The following ARB2A variants were observed in gnomAD, a reference collection of about 807,000 sequenced individuals.
The protein encoded by ARB2A is cotranscriptional regulator ARB2A.
At chr5:93,877,738 C>T in the ARB2A span, among the ~76,000 whole-genome samples, 1 of 151,972 alleles carries the variant, frequency 6.6e-6, no homozygotes, top group Non-Finnish European at 1.5e-5. Context: ...GAGGGGTCAT[C>T]GGTTATAGTG....
At chr5:93,809,108 T>C in the ARB2A span, among the ~76,000 whole-genome samples, 3 of 152,062 alleles carry the variant, frequency 2.0e-5, no homozygotes, top group Non-Finnish European at 4.4e-5. Context: ...GCTATTGGTG[T>C]ATGGGATATT....
the ARB2A span, among the ~76,000 whole-genome samples, chr5:93,819,889 A>G: frequency 8.5e-5 from 13 of 152,334 alleles, no homozygotes; most frequent in African/African-American, 3.1e-4. Context: ...ATGGCAGGAA[A>G]ATAGAGTTCC....
the ARB2A span, among the ~76,000 whole-genome samples, chr5:93,630,413 G>A: frequency 6.6e-6 from 1 of 152,152 alleles, no homozygotes; most frequent in African/African-American, 2.4e-5. Context: ...ACAGTTGCAA[G>A]CCCTTTAAAG....
the ARB2A span, among the ~76,000 whole-genome samples, chr5:94,083,441 A>T: frequency 6.6e-6 from 1 of 152,212 alleles, no homozygotes; most frequent in East Asian, 1.9e-4. Context: ...CAATATCTAC[A>T]GAAAAGCATT....
the ARB2A span, among the ~76,000 whole-genome samples, chr5:93,939,707 T>C: frequency 2.0e-5 from 3 of 152,114 alleles, no homozygotes; most frequent in Admixed American, 6.5e-5. Context: ...CCTACAAATA[T>C]TAATTTTCTT....
At chr5:93,775,028 A>G in the ARB2A span, among the ~76,000 whole-genome samples, 1 of 152,064 alleles carries the variant, frequency 6.6e-6, no homozygotes, top group South Asian at 2.1e-4. Flanking sequence ...ACATATGTGC[A>G]TGAGTATATG....
the ARB2A span, among the ~76,000 whole-genome samples, chr5:93,853,239 A>C: frequency 4.6e-3 from 692 of 151,644 alleles, 2 homozygotes; most frequent in African/African-American, 0.013. Context: ...GGAGTTCACT[A>C]ATGATTTGGC....
At chr5:93,867,978 A>C in the ARB2A span, among the ~76,000 whole-genome samples, 107 of 152,300 alleles carry the variant, frequency 7.0e-4, no homozygotes, top group African/African-American at 2.5e-3. Context: ...CAAACAAATA[A>C]ATCTAAGCAT....
chr5:94,043,110 C>A, the ARB2A span, among the ~76,000 whole-genome samples: 1 of 151,922 alleles, frequency 6.6e-6, no homozygotes, highest in Non-Finnish European at 1.5e-5. Flanking sequence ...TTCTTAAATG[C>A]AGGTTTCTGA....
chr5:94,045,673 C>T, the ARB2A span, among the ~76,000 whole-genome samples: 134 of 152,214 alleles, frequency 8.8e-4, no homozygotes, highest in Non-Finnish European at 1.6e-3. Flanking sequence ...CTATTTGTAT[C>T]ACACTATTTA....
chr5:93,806,920 T>C, the ARB2A span, among the ~76,000 whole-genome samples: 2 of 151,938 alleles, frequency 1.3e-5, no homozygotes, highest in African/African-American at 4.8e-5. Context: ...TAGTAGGTGT[T>C]ACTAAATATG....
At chr5:94,108,877 T>C in the ARB2A span, among the ~76,000 whole-genome samples, 17 of 152,046 alleles carry the variant, frequency 1.1e-4, no homozygotes, top group African/African-American at 1.9e-4. Flanking sequence ...CATATAGATA[T>C]ATATACATAT....
chr5:93,830,317 A>ATGTGTG, the ARB2A span, among the ~76,000 whole-genome samples: 28 of 55,552 alleles, frequency 5.0e-4, no homozygotes, highest in Non-Finnish European at 7.2e-4. Context: ...GTGTGTATAT[A>ATGTGTG]TATATATATA....
At chr5:93,637,714 TC>T in the ARB2A span, among the ~76,000 whole-genome samples, 2 of 152,228 alleles carry the variant, frequency 1.3e-5, no homozygotes, top group Non-Finnish European at 2.9e-5. Flanking sequence ...GTATTCTAGA[TC>T]CTTTGCCTTT....
the ARB2A span, among the ~76,000 whole-genome samples, chr5:93,773,715 TTG>T: frequency 1.3e-5 from 2 of 152,152 alleles, no homozygotes; most frequent in African/African-American, 4.8e-5. Context: ...TGTGCTCACT[TTG>T]TGTCTCCCTG....
the ARB2A span, among the ~76,000 whole-genome samples, chr5:93,693,761 T>A: frequency 2.6e-5 from 4 of 152,212 alleles, no homozygotes; most frequent in Admixed American, 2.6e-4. Flanking sequence ...CAGGCCAATG[T>A]CTCTCATGAA....
At chr5:93,888,450 A>G in the ARB2A span, among the ~76,000 whole-genome samples, 2 of 151,850 alleles carry the variant, frequency 1.3e-5, no homozygotes, top group African/African-American at 4.8e-5. Context: ...CATGGTCTAA[A>G]GAAGACTTGG....
At chr5:93,636,061 A>G in the ARB2A span, among the ~76,000 whole-genome samples, 1 of 152,208 alleles carries the variant, frequency 6.6e-6, no homozygotes, top group Non-Finnish European at 1.5e-5. Context: ...GACAGTAAAA[A>G]CTTGTGAATT....
chr5:94,090,869 T>C, the ARB2A span, among the ~76,000 whole-genome samples: 2 of 152,136 alleles, frequency 1.3e-5, no homozygotes, highest in African/African-American at 4.8e-5. Flanking sequence ...TCCCATATCA[T>C]CACTAAAATT....
Sources: allele counts gnomAD v4.1 joint callset (sites outside exome capture counted in the v4.1 genomes callset), GRCh38; gene constraint gnomAD v4.1.1; transcripts MANE v1.5; gene names NCBI Gene and HGNC (gene_info 2026-07-23, HGNC 2026-07-21).